Variants in FBXL13 observed in about 807,000 individuals in gnomAD.
The protein encoded by FBXL13 is F-box and leucine-rich repeat protein 13.
In FBXL13, 67 loss-of-function variants were observed where a neutral mutation model predicts 83.6. The observed-to-expected ratio is 0.80, with a 90% CI of 0.66 to 0.98. The LOEUF is 0.98. Ranked by LOEUF, FBXL13 falls within the 50% of genes least tolerant of loss-of-function variation. FBXL13 has a pLI of 0.00. For synonymous variants in FBXL13, 272 were observed against 299.5 expected (o/e 0.91, Z 0.95); for missense variants, 822 against 866.5 (o/e 0.95, Z 0.64).
intron 17 of FBXL13, among the ~76,000 whole-genome samples, chr7:102,851,994 A>C (rs1224979509): frequency 6.6e-6 from 1 of 152,160 alleles, no homozygotes. Flanking sequence ...TTAAGTTCCT[A>C]ATTGTTGAGT....
intron 17 of FBXL13, among the ~76,000 whole-genome samples, chr7:102,851,199 A>G (rs138329801): frequency 1.3e-5 from 2 of 152,192 alleles, no homozygotes; most frequent in African/African-American, 4.8e-5. Flanking sequence ...CCAGAAGTTT[A>G]GAATTCAATG....
intron 6 of FBXL13, among the ~76,000 whole-genome samples, chr7:103,024,175 G>C (rs1418537910): frequency 8.7e-6 from 1 of 115,556 alleles, no homozygotes; most frequent in African/African-American, 3.5e-5. Flanking sequence ...GAGAGAGAGA[G>C]AGAGAGAGAG....
Position 103,027,435 on chromosome 7 carries a change from T to C in FBXL13, c.327+14A>G. On this transcript the variant is annotated intron_variant, in intron 5 of 19. Transcript: ENST00000313221. ...ACATTCGGATTCTTAAAAAATTGTT[T>C]CAATATACAATACCAGCTCATCTTC... is the stretch of plus-strand genomic sequence containing the variant. 1 of 1,564,334 alleles carries C rather than the reference T, an allele frequency of 6.4e-7. No individual in the cohort carries two copies. Among genetic ancestry groups the C allele is most frequent in the Non-Finnish European group, 8.7e-7 (1 of 1,142,858 alleles).
chr7:102,863,181 C>T lies in FBXL13; in HGVS notation c.1636-8321G>A, dbSNP rs749606707. Among the ~76,000 whole-genome samples the T allele has an allele frequency of 8.5e-4, 129 of 152,216 alleles. 1 individual carries two copies. The highest frequency in any genetic ancestry group is 6.8e-4 in the Non-Finnish European group (46 of 68,038). On this transcript the variant is annotated intron_variant, in intron 16 of 19. Transcript: ENST00000313221. ...GTGAAAGATGAATGCTCATGATGGA[C>T]TTTCCTTTGATTTAAATACAATGGC...
Position 103,041,816 on chromosome 7 carries a change from C to T in FBXL13, c.1-12398G>A, listed in dbSNP as rs528026020. 3.3e-5 allele frequency among the ~76,000 whole-genome samples: 5 copies of T among 152,262 alleles called. No homozygotes were observed. The South Asian group carries it at 1.0e-3, about 32-fold the overall frequency. On this transcript the variant is annotated intron_variant, in intron 2 of 19. Transcript: ENST00000313221. Reference sequence around the variant, plus strand: ...CTCAATAAACTAGGTATTGATGGAACATATCTCAAAATAATAAGAGCTATT... The same window carrying T: ...CTCAATAAACTAGGTATTGATGGAATATATCTCAAAATAATAAGAGCTATT...
intron 18 of FBXL13, among the ~76,000 whole-genome samples, 174 bp downstream of exon 19, chr7:102,832,666 G>C (rs1377744388): frequency 6.6e-6 from 1 of 152,138 alleles, no homozygotes; most frequent in African/African-American, 2.4e-5. Flanking sequence ...ATTCTACTTT[G>C]ACACCAGTGG....
Position 102,884,315 on chromosome 7 carries a change from G to T in FBXL13, c.1009-3C>A. On this transcript the variant is annotated splice_region_variant and splice_polypyrimidine_tract_variant and intron_variant, in intron 11 of 19. Transcript: ENST00000313221. ...TACCTGAAGCCTTGGACTGAAATCT[G>T]AATTGTACAGAGTAGAAAATAATGG... is the stretch of plus-strand genomic sequence containing the variant. The T allele has an allele frequency of 6.2e-7, 1 of 1,609,058 alleles. No individual in the cohort carries two copies. The highest frequency in any genetic ancestry group is 1.1e-5 in the South Asian group (1 of 90,914).
chr7:102,820,417 G>A (rs1230525385), intron 19 of FBXL13, among the ~76,000 whole-genome samples: 1 of 152,194 alleles, frequency 6.6e-6, no homozygotes, highest in Non-Finnish European at 1.5e-5. Context: ...TTGGGGTTTT[G>A]GGACAAAGCT....
intron 8 of FBXL13, chr7:102,944,192 A>T: frequency 6.3e-7 from 1 of 1,581,504 alleles, no homozygotes; most frequent in Non-Finnish European, 8.6e-7. Flanking sequence ...AGGCTCAATA[A>T]ATATTTTCTG....
chr7:103,039,632 C>T (rs1015758110), intron 2 of FBXL13, among the ~76,000 whole-genome samples: 10 of 151,922 alleles, frequency 6.6e-5, no homozygotes, highest in South Asian at 2.1e-4. Context: ...GATCTCTCGG[C>T]GGAAACCTTA....
chr7:102,963,245 C>T (rs182013510), intron 8 of FBXL13, among the ~76,000 whole-genome samples: 119 of 151,330 alleles, frequency 7.9e-4, no homozygotes, highest in Non-Finnish European at 1.5e-3. Flanking sequence ...CATTTGAACC[C>T]AGGAGCCGGA....
At chr7:103,060,017 A>T (rs934915894) in intron 1 of FBXL13, among the ~76,000 whole-genome samples, 61 of 45,564 alleles carry the variant, frequency 1.3e-3, no homozygotes, top group South Asian at 3.4e-3. Flanking sequence ...ATAGCAAGAT[A>T]TTTTATATAT....
chr7:102,983,476 G>A (rs1297974426), intron 6 of FBXL13, among the ~76,000 whole-genome samples: 2 of 148,174 alleles, frequency 1.3e-5, no homozygotes, highest in South Asian at 2.1e-4. Context: ...CTGGAGTGCA[G>A]TGGTGTGATA....
chr7:103,047,223 A>G (rs948337309), intron 2 of FBXL13, among the ~76,000 whole-genome samples: 2 of 152,202 alleles, frequency 1.3e-5, no homozygotes, highest in African/African-American at 4.8e-5. Flanking sequence ...TTTGAAATGT[A>G]TAAGTCATTA....
At chr7:102,927,624 A>C (rs1818373729) in intron 9 of FBXL13, among the ~76,000 whole-genome samples, 1 of 152,208 alleles carries the variant, frequency 6.6e-6, no homozygotes, top group African/African-American at 2.4e-5. Flanking sequence ...ATTCTATTTG[A>C]AGCTGTAAAT....
chr7:103,038,277 G>A (rs1398802604), intron 2 of FBXL13, among the ~76,000 whole-genome samples: 1 of 152,194 alleles, frequency 6.6e-6, no homozygotes, highest in Admixed American at 6.5e-5. Context: ...GCTGAGGCTT[G>A]AGTAGCTCAC....
intron 17 of FBXL13, among the ~76,000 whole-genome samples, chr7:102,841,507 G>T (rs1479459176): frequency 6.6e-6 from 1 of 152,190 alleles, no homozygotes; most frequent in Non-Finnish European, 1.5e-5. Flanking sequence ...GGTGTGGGGT[G>T]TTCTCAGCTT....
chr7:102,928,113 T>C (rs6962336), intron 9 of FBXL13, among the ~76,000 whole-genome samples: 147,950 of 152,272 alleles, frequency 0.97, 72,033 homozygotes, highest in East Asian at 1. Context: ...AATCCATTCT[T>C]TGCATTTTCC....
At chr7:102,845,197 G>A (rs1021129902) in intron 17 of FBXL13, among the ~76,000 whole-genome samples, 2 of 152,014 alleles carry the variant, frequency 1.3e-5, no homozygotes, top group South Asian at 2.1e-4. Flanking sequence ...GATTCTAATC[G>A]TGGCCTGGCC....
Sources: allele counts gnomAD v4.1 joint callset (sites outside exome capture counted in the v4.1 genomes callset), GRCh38; gene constraint gnomAD v4.1.1; transcripts MANE v1.5; gene names NCBI Gene and HGNC (gene_info 2026-07-23, HGNC 2026-07-21).